CP: variants seen among roughly 807,000 people sequenced by gnomAD.
CP encodes the protein caeruloplasmin.
CP carries 64 observed loss-of-function variants against 122.4 expected under a neutral mutation model. The observed-to-expected ratio is 0.52, with a 90% CI of 0.43 to 0.64. The LOEUF (loss-of-function observed/expected upper bound fraction) is 0.64, where lower values mean the gene tolerates loss of function less well. CP is among the 30% of genes least tolerant of loss of function. CP has a pLI of 0.00. For synonymous variants in CP, 440 were observed against 436.4 expected (o/e 1.01, Z -0.10); for missense variants, 1,167 against 1,284.4 (o/e 0.91, Z 1.40).
exon 6 of CP, chr3:149,162,724 A>T: frequency 1.9e-6 from 3 of 1,614,034 alleles, no homozygotes; most frequent in Non-Finnish European, 2.5e-6. Context: ...ACAATTCCTC[A>T]GCTCTTGGTA....
At chr3:149,213,631 GGT>G (rs71135672) in intron 1 of CP, among the ~76,000 whole-genome samples, 9,174 of 143,694 alleles carry the variant, frequency 0.064, 442 homozygotes, top group African/African-American at 0.14. Context: ...CATCATCATG[GGT>G]GTGTGTGTGT....
intron 4 of CP, among the ~76,000 whole-genome samples, chr3:149,167,438 T>C (rs1724535141): frequency 6.8e-6 from 1 of 146,270 alleles, no homozygotes; most frequent in Non-Finnish European, 1.5e-5. Flanking sequence ...GGAGATGGTA[T>C]ATTATCATCA....
At position 149,176,537 on chromosome 3, in the gene CP, G is replaced by C. The variant is rs566617174; in HGVS notation, c.3019-125C>G. 2.3e-5 allele frequency: 18 copies of C among 778,086 alleles called. No individual in the cohort carries two copies. The East Asian group carries it at 4.0e-4, about 17-fold the overall frequency. 48.2% of individuals were successfully genotyped at this position (778,086 alleles called of 1,614,324 possible). ...AATCTGTTTTTAAAAAATCGAGCTC[G>C]TTTCTGTGTTTAATACAAATGGTAA... is the stretch of plus-strand genomic sequence containing the variant. On this transcript the variant is annotated intron_variant, in intron 17 of 18. Coordinates refer to ENST00000264613, the MANE Select transcript of CP (RefSeq NM_000096.4).
intron 4 of CP, 130 bp from the exon 5 acceptor site, chr3:149,207,747 A>G (rs1727845383): frequency 2.2e-6 from 2 of 899,196 alleles, no homozygotes; most frequent in East Asian, 2.6e-5. Flanking sequence ...CTTGCCCCCT[A>G]TACTCATGTC....
In CP at chr3:149,212,827, G is replaced by A. The variant is rs978055501; in HGVS notation, c.147-129C>T. On this transcript the variant is annotated intron_variant, in intron 1 of 18. Coordinates refer to ENST00000264613, the MANE Select transcript of CP (RefSeq NM_000096.4). ...TCACATTGAATGTTTGCCTGTTGTA[G>A]GGATGCCTCCAAAATTGAAGTGGAG... 3.5e-6 allele frequency: 4 copies of A among 1,147,086 alleles called. No individual in the cohort carries two copies. The African/African-American group carries it at 6.2e-5, about 18-fold the overall frequency. 71.1% of individuals were successfully genotyped at this position (1,147,086 alleles called of 1,614,324 possible).
chr3:149,204,181 A>T (rs1352803921), intron 6 of CP, among the ~76,000 whole-genome samples: 2 of 152,220 alleles, frequency 1.3e-5, no homozygotes, highest in Non-Finnish European at 1.5e-5. Context: ...TTAAGGTTTC[A>T]GCCTTCCATC....
In CP at chr3:149,187,844, A is replaced by G. The variant is rs537437168; in HGVS notation, c.1864+208T>C. ...AGGGACCACACTTTAAGGACCATTC[A>G]TGTAATTGACATATCTTGAATTAAG... is the stretch of plus-strand genomic sequence containing the variant. On this transcript the variant is annotated intron_variant, in intron 10 of 18. Coordinates refer to ENST00000264613, the MANE Select transcript of CP (RefSeq NM_000096.4). 22 of 567,466 alleles carry G rather than the reference A, an allele frequency of 3.9e-5. No homozygotes were observed. In the East Asian group the frequency reaches 6.5e-4, roughly 17 times the overall value. The allele number at this position is 567,466 out of a possible 1,614,324, so 35.2% of individuals were successfully genotyped here.
intron 1 of CP, among the ~76,000 whole-genome samples, chr3:149,214,823 C>T (rs1480858737): frequency 2.0e-5 from 3 of 152,188 alleles, no homozygotes; most frequent in Non-Finnish European, 4.4e-5. Context: ...AAAATTGTTG[C>T]ATCAAAGACT....
chr3:149,184,394 A>G (rs1386193625), intron 12 of CP, among the ~76,000 whole-genome samples: 1 of 152,052 alleles, frequency 6.6e-6, no homozygotes, highest in Admixed American at 6.5e-5. Flanking sequence ...CCAATTACAA[A>G]ATAAAAGTTT....
Position 149,205,048 on chromosome 3 carries a change from C to G in CP, c.1208+1120G>C, listed in dbSNP as rs1017034931. Among the ~76,000 whole-genome samples, 6 of 152,008 alleles carry G rather than the reference C, an allele frequency of 3.9e-5. 1 individual carries two copies. The highest frequency in any genetic ancestry group is 1.3e-4 in the Admixed American group (2 of 15,276). On this transcript the variant is annotated intron_variant, in intron 6 of 18. Coordinates refer to ENST00000264613, the MANE Select transcript of CP (RefSeq NM_000096.4). The stretch of plus-strand genomic sequence containing the variant: ...TCCCACTTCAAAAATGGCTGAAGGA[C>G]TTAAATAGACATTTATCTGAAGAAG...
Position 149,178,049 on chromosome 3 carries a change from A to G in CP, c.2879-70T>C, listed in dbSNP as rs919279208. On this transcript the variant is annotated intron_variant, in intron 16 of 18. Transcript: ENST00000264613. ...AACCAATAGCTATTTCAAAGAAAAT[A>G]TGATTATTAGGTTAATGTAAAGAAT... 10 of 1,378,638 alleles carry G rather than the reference A, an allele frequency of 7.3e-6. No homozygotes were observed. The African/African-American group carries it at 1.1e-4, about 16-fold the overall frequency. 85.4% of individuals were successfully genotyped at this position (1,378,638 alleles called of 1,614,324 possible). A position where few individuals can be genotyped will look rare whatever the true frequency, so the allele number is the denominator to read the frequency against.
chr3:149,181,986 C>CGG lies in CP; in HGVS notation c.2554+18_2554+19insCC. The stretch of plus-strand genomic sequence containing the variant: ...AGCCTGTTAAAATGCACCACCCCCA[C>CGG]CCCCGCCCCCGTGAGTACCTGGTAA... On this transcript the variant is annotated intron_variant, in intron 14 of 18. Transcript: ENST00000264613. 1 of 586,878 alleles carries CGG rather than the reference C, an allele frequency of 1.7e-6. No homozygotes were observed. Among genetic ancestry groups the CGG allele is most frequent in the Non-Finnish European group, 3.1e-6 (1 of 319,262 alleles). 36.4% of individuals were successfully genotyped at this position (586,878 alleles called of 1,614,324 possible).
intron 18 of CP, 144 bp from the exon 19 acceptor site, chr3:149,173,874 A>G (rs912298152): frequency 4.2e-6 from 2 of 481,010 alleles, no homozygotes; most frequent in Admixed American, 7.6e-5. Flanking sequence ...ATGTTTAAAA[A>G]TCTCTCATTC....
At chr3:149,178,345 C>G in intron 16 of CP, 70 bp downstream of exon 16, 2 of 1,247,182 alleles carry the variant, frequency 1.6e-6, no homozygotes, top group South Asian at 2.5e-5. Context: ...GAATGGTCTC[C>G]AAAATAATTT....
chr3:149,188,300 G>T, intron 9 of CP, 98 bp from the exon 10 acceptor site: 1 of 1,033,288 alleles, frequency 9.7e-7, no homozygotes, highest in Non-Finnish European at 1.4e-6. Context: ...CTAAAGGAAA[G>T]AATGAGAACA....
chr3:149,199,774 A>C lies in CP; in HGVS notation c.1439T>G (p.Val480Gly). 1 of 1,613,994 alleles carries C rather than the reference A, an allele frequency of 6.2e-7. No homozygotes were observed. The highest frequency in any genetic ancestry group is 8.5e-7 in the Non-Finnish European group (1 of 1,179,978). Residue 480 changes from valine to glycine, a missense_variant, in exon 8 of 19, where the codon GTG becomes GGG. Transcript: ENST00000264613. ...GCCCTCGTTGTTCTTATTGAATCTC[A>C]CCCCAATCGGCTCAATACTGAGGGG... ...AYPLSIEPIG[V>G]RFNKNNEGTY...
chr3:149,221,322 A>G (rs1438528906), intron 1 of CP, among the ~76,000 whole-genome samples: 1 of 152,212 alleles, frequency 6.6e-6, no homozygotes, highest in Non-Finnish European at 1.5e-5. Context: ...TAAACATAAC[A>G]TTGTATACAG....
intron 1 of CP, among the ~76,000 whole-genome samples, chr3:149,220,370 A>G (rs1449748740): frequency 6.6e-6 from 1 of 152,132 alleles, no homozygotes; most frequent in Non-Finnish European, 1.5e-5. Context: ...AATAAAAACC[A>G]CATATAATTT....
downstream of CP, among the ~76,000 whole-genome samples, chr3:149,169,019 A>G (rs895377016): frequency 1.3e-5 from 2 of 151,106 alleles, no homozygotes; most frequent in Admixed American, 1.3e-4. Context: ...TCTGTCTTCA[A>G]AATATATTTG....
Sources: gnomAD v4.1 joint callset for allele counts (sites outside exome capture counted in the v4.1 genomes callset) on GRCh38, gnomAD v4.1.1 for gene constraint, MANE v1.5 for transcripts, NCBI Gene and HGNC (gene_info 2026-07-23, HGNC 2026-07-21) for gene names.